LRRC4B: variants seen among roughly 807,000 people sequenced by gnomAD.
LRRC4B encodes leucine-rich repeat-containing protein 4B.
LRRC4B carries 1 observed loss-of-function variant against 7.3 expected under a neutral mutation model. That is an observed-to-expected ratio of 0.14 (90% confidence interval 0.05 to 0.65). The LOEUF is 0.65. Ranked by LOEUF, LRRC4B falls within the 30% of genes least tolerant of loss-of-function variation. The pLI is 0.84. For missense variants in LRRC4B, 730 were observed against 1,041.6 expected, an observed-to-expected ratio of 0.70 and a Z score of 4.12; for synonymous variants, 500 against 499.2, an observed-to-expected ratio of 1.00 and a Z score of -0.02.
chr19:50,536,469 C>T (rs958039707), intron 2 of LRRC4B, among the ~76,000 whole-genome samples: 4 of 152,190 alleles, frequency 2.6e-5, no homozygotes, highest in South Asian at 2.1e-4. Context: ...TCTTTCTGCA[C>T]GCAGTGTCGA....
At position 50,548,144 on chromosome 19, in the gene LRRC4B, A is replaced by G. The variant is rs1042486989; in HGVS notation, c.297+398T>C. Among the ~76,000 whole-genome samples the G allele has an allele frequency of 1.3e-5, 2 of 152,186 alleles. No individual in the cohort carries two copies. The highest frequency in any genetic ancestry group is 4.8e-5 in the African/African-American group (2 of 41,450). On this transcript the variant is annotated intron_variant, in intron 2 of 2. Coordinates refer to ENST00000652263, the MANE Select transcript of LRRC4B (RefSeq NM_001080457.2). This position sits in a 1 kb window ranked among gnomAD's most constrained non-coding sequence, Gnocchi z 6.8. ...TCAGATGAAGAAACTGAGGCTCAGA[A>G]TCATGCCGTCACCTTCCCAAGGCCA... is the stretch of plus-strand genomic sequence containing the variant.
chr19:50,548,819 G>T lies in LRRC4B; in HGVS notation c.20C>A (p.Ser7Tyr). The T allele has an allele frequency of 1.3e-6, 2 of 1,498,174 alleles. No homozygotes were observed. Among genetic ancestry groups the T allele is most frequent in the South Asian group, 1.3e-5 (1 of 77,756 alleles). The allele number at this position is 1,498,174 out of a possible 1,614,324, so 92.8% of individuals were successfully genotyped here. A position where few individuals can be genotyped will look rare whatever the true frequency, so the allele number is the denominator to read the frequency against. Residue 7 changes from serine (S) to tyrosine (Y), a missense_variant, in exon 2 of 3, where the codon TCC becomes TAC. Ser to Tyr is a moderately radical substitution (Grantham distance 144). Around this residue, in one of 6 missense-constraint regions of LRRC4B, gnomAD observed 143 missense variants for 158.4 expected, o/e 0.90. Coordinates refer to ENST00000652263, the MANE Select transcript of LRRC4B (RefSeq NM_001080457.2). This position sits in a 1 kb window ranked among gnomAD's most constrained non-coding sequence, Gnocchi z 6.8. ...ACCGGGCGGCAGCGGGGGGCACGGG[G>T]AGCCGCGGGCACGCGCCATCCTCAA... MARARGSPCPPLPPGRM... is the reference protein window; with the variant it reads MARARGYPCPPLPPGRM...
rs1982167211 is a variant in LRRC4B at position 50,553,416 on chromosome 19, T to A, written c.-35-4543A>T. Among the ~76,000 whole-genome samples, 1 of 152,144 alleles carries A rather than the reference T, an allele frequency of 6.6e-6. No homozygotes were observed. The highest frequency in any genetic ancestry group is 1.5e-5 in the Non-Finnish European group (1 of 68,004). Reference sequence around the variant, plus strand: ...TCCTCTGACCTCATCGCTTCCCTCCTCCCCCTGCTCACTCGCTGTTTCCAG... The same window carrying A: ...TCCTCTGACCTCATCGCTTCCCTCCACCCCCTGCTCACTCGCTGTTTCCAG... On this transcript the variant is annotated intron_variant, in intron 1 of 2. Coordinates refer to ENST00000652263, the MANE Select transcript of LRRC4B (RefSeq NM_001080457.2). This position sits in a 1 kb window ranked among gnomAD's most constrained non-coding sequence, Gnocchi z 4.2.
At chr19:50,561,899 C>T (rs1982475176) in intron 1 of LRRC4B, among the ~76,000 whole-genome samples, 1 of 151,954 alleles carries the variant, frequency 6.6e-6, no homozygotes, top group African/African-American at 2.4e-5. Flanking sequence ...AATTTGAGAC[C>T]AGCCTAGCCA....
intron 1 of LRRC4B, among the ~76,000 whole-genome samples, chr19:50,566,991 G>A (rs1408055222): frequency 6.6e-6 from 1 of 151,540 alleles, no homozygotes. Flanking sequence ...AGGGTCTCCT[G>A]GACAGAAGGT....
Position 50,518,602 on chromosome 19 carries a change from T to C in LRRC4B, c.1111A>G (p.Thr371Ala), listed in dbSNP as rs780314884. 6.2e-6 allele frequency: 10 copies of C among 1,600,236 alleles called. No individual in the cohort carries two copies. Among genetic ancestry groups the C allele is most frequent in the Admixed American group, 1.7e-5 (1 of 59,334 alleles). Residue 371 changes from threonine (T) to alanine (A), a missense_variant, in exon 3 of 3, where the codon ACG becomes GCG. Transcript: ENST00000652263. ...ATGCCCTCGGTGACGTTGAGGTCCG[T>C]GGGCGGCTCCACGATGACGGGCGCA... is the stretch of plus-strand genomic sequence containing the variant. ...CYAPVIVEPP[T>A]DLNVTEGMAA...
chr19:50,534,763 T>C (rs529098517), intron 2 of LRRC4B, among the ~76,000 whole-genome samples: 7 of 152,318 alleles, frequency 4.6e-5, no homozygotes, highest in East Asian at 3.9e-4. Context: ...CTGAGATCTG[T>C]TGGGGTTTTT....
rs1980404884 is a variant in LRRC4B at position 50,518,479 on chromosome 19, G to A, written c.1234C>T (p.Arg412Cys). 6.4e-7 allele frequency: 1 copy of A among 1,555,410 alleles called. No homozygotes were observed. Among genetic ancestry groups the A allele is most frequent in the Admixed American group, 1.9e-5 (1 of 53,218 alleles). Residue 412 changes from arginine (R) to cysteine (C), a missense_variant, in exon 3 of 3, where the codon CGC becomes TGC. By Grantham distance (180) the Arg-to-Cys change is radical (BLOSUM62 -3). Coordinates refer to ENST00000652263, the MANE Select transcript of LRRC4B (RefSeq NM_001080457.2). ...GTGCCGTCATGCAGGACGGAGATGC[G>A]CACGCGGTAGGAGCCGTGGGTCATG... The part of the protein sequence containing the change: ...TLMTHGSYRV[R>C]ISVLHDGTLN...
chr19:50,536,790 A>G (rs189986081), intron 2 of LRRC4B, among the ~76,000 whole-genome samples: 117 of 152,090 alleles, frequency 7.7e-4, no homozygotes, highest in African/African-American at 2.7e-3. Flanking sequence ...ATTTAAAGGC[A>G]GGGCAAGTTT....
chr19:50,532,062 AAAC>A (rs979707465), intron 2 of LRRC4B, among the ~76,000 whole-genome samples: 2 of 151,968 alleles, frequency 1.3e-5, no homozygotes, highest in African/African-American at 2.4e-5. Context: ...GTCTCTACTA[AAAC>A]AACAACAACA....
At chr19:50,538,673 A>G (rs572020418) in intron 2 of LRRC4B, among the ~76,000 whole-genome samples, 2 of 148,388 alleles carry the variant, frequency 1.3e-5, no homozygotes, top group East Asian at 2.0e-4. Flanking sequence ...GCCTCATGCA[A>G]TCTTCCCACC....
rs992735749 is a variant in LRRC4B at position 50,519,399 on chromosome 19, G to C, written c.314C>G (p.Thr105Arg). Residue 105 changes from threonine to arginine, a missense_variant, in exon 3 of 3, where the codon ACG (threonine) becomes AGG (arginine). By Grantham distance (71) the Thr-to-Arg change is moderately conservative. Coordinates refer to ENST00000652263, the MANE Select transcript of LRRC4B (RefSeq NM_001080457.2). This position sits in a 1 kb window ranked among gnomAD's most constrained non-coding sequence, Gnocchi z 8.1. ...CTCCAGGTGCCGCAGGTGCTTGAAC[G>C]TGTCCGTCCGGATCACCTGGGGAGA... ...ENGIQVIRTDTFKHLRHLEIL... is the reference protein window; with the variant it reads ...ENGIQVIRTDRFKHLRHLEIL... 6.3e-6 allele frequency: 10 copies of C among 1,599,010 alleles called. No individual in the cohort carries two copies. Among genetic ancestry groups the C allele is most frequent in the Non-Finnish European group, 8.5e-6 (10 of 1,175,820 alleles).
chr19:50,544,515 A>AT (rs1277535010), intron 2 of LRRC4B, among the ~76,000 whole-genome samples: 4 of 151,436 alleles, frequency 2.6e-5, no homozygotes, highest in African/African-American at 9.7e-5. Context: ...TCAAAAAAAA[A>AT]AAATAAATAA....
chr19:50,528,761 T>A (rs2122808888), intron 2 of LRRC4B, among the ~76,000 whole-genome samples: 1 of 152,212 alleles, frequency 6.6e-6, no homozygotes, highest in South Asian at 2.1e-4. Flanking sequence ...GGTGTGAATG[T>A]ATTTGCAGGG....
intron 2 of LRRC4B, among the ~76,000 whole-genome samples, chr19:50,525,857 A>G (rs888920635): frequency 6.6e-6 from 1 of 151,686 alleles, no homozygotes; most frequent in Non-Finnish European, 1.5e-5. Flanking sequence ...TGCCTCTCCC[A>G]CCAGGCCCTA....
chr19:50,531,960 C>T (rs1256420639), intron 2 of LRRC4B, among the ~76,000 whole-genome samples: 3 of 152,194 alleles, frequency 2.0e-5, no homozygotes, highest in Non-Finnish European at 2.9e-5. Flanking sequence ...CAGTGGCTCA[C>T]GCCAGTAATC....
chr19:50,563,795 C>T lies in LRRC4B; in HGVS notation c.-36+4149G>A, dbSNP rs1482465588. Among the ~76,000 whole-genome samples, 2 of 152,220 alleles carry T rather than the reference C, an allele frequency of 1.3e-5. No homozygotes were observed. Among genetic ancestry groups the T allele is most frequent in the African/African-American group, 2.4e-5 (1 of 41,454 alleles). On this transcript the variant is annotated intron_variant, in intron 1 of 2. Coordinates refer to ENST00000652263, the MANE Select transcript of LRRC4B (RefSeq NM_001080457.2). The surrounding 1 kb of genome is among the most constrained non-coding windows in gnomAD (Gnocchi z 4.9). ...ACACTGTGAGGGGCTGGCAGTTTCACAGCAGATCCTGGTCCTGGAGAATGG... is the reference window on the plus strand; with the variant it reads ...ACACTGTGAGGGGCTGGCAGTTTCATAGCAGATCCTGGTCCTGGAGAATGG...
At chr19:50,559,210 G>A (rs1240949552) in intron 1 of LRRC4B, among the ~76,000 whole-genome samples, 9 of 152,122 alleles carry the variant, frequency 5.9e-5, no homozygotes, top group African/African-American at 1.4e-4. Context: ...CAAGGTGGGC[G>A]GATTACCTGA....
intron 2 of LRRC4B, among the ~76,000 whole-genome samples, chr19:50,541,426 C>G (rs1465386032): frequency 6.6e-6 from 1 of 150,696 alleles, no homozygotes; most frequent in Non-Finnish European, 1.5e-5. Flanking sequence ...ATGCCAAAAC[C>G]ATCTCCTCGA....
Sources: gnomAD v4.1 joint callset for allele counts (sites outside exome capture counted in the v4.1 genomes callset) on GRCh38, gnomAD v4.1.1 for gene constraint, gnomAD v4.1.1 regional missense constraint, Gnocchi (gnomAD v3.1) non-coding constraint, MANE v1.5 for transcripts, NCBI Gene and HGNC (gene_info 2026-07-23, HGNC 2026-07-21) for gene names.